Variants in TGFBR3 observed in about 807,000 individuals in gnomAD.
TGFBR3 encodes the protein transforming growth factor beta receptor 3.
TGFBR3 carries 46 observed loss-of-function variants against 87.9 expected under a neutral mutation model. The ratio of observed to expected loss-of-function variants is 0.52; its 90% CI spans 0.41 to 0.67. The LOEUF is 0.67. Ranked by LOEUF, TGFBR3 falls within the 30% of genes least tolerant of loss-of-function variation. The pLI is 0.00. For synonymous variants in TGFBR3, 381 were observed against 391.6 expected (o/e 0.97, Z 0.32); for missense variants, 866 against 1,041.9 (o/e 0.83, Z 2.32).
chr1:91,719,548 C>T (rs1672288688), intron 9 of TGFBR3, 84 bp from the exon 10 acceptor site: 2 of 1,560,060 alleles, frequency 1.3e-6, no homozygotes, highest in Non-Finnish European at 1.8e-6. Context: ...ATTGCCTGGT[C>T]TTCCAAGGAC....
chr1:91,802,832 TAC>T lies in TGFBR3; in HGVS notation c.62-5363_62-5362del, dbSNP rs375959017. Among the ~76,000 whole-genome samples the T allele has an allele frequency of 1.4e-4, 22 of 152,134 alleles. No individual in the cohort carries two copies. The East Asian group carries it at 4.3e-3, about 29-fold the overall frequency. On this transcript the variant is annotated intron_variant, in intron 2 of 16. Coordinates refer to ENST00000212355, the MANE Select transcript of TGFBR3 (RefSeq NM_003243.5). ...TAAATGGCACCAGCCTCTTCCTACG[TAC>T]ACCTGGCACCAACCTGGGGGAGGTG...
intron 3 of TGFBR3, among the ~76,000 whole-genome samples, chr1:91,760,491 T>C (rs1254357259): frequency 6.6e-6 from 1 of 152,056 alleles, no homozygotes; most frequent in Non-Finnish European, 1.5e-5. Context: ...GGCCGGGAAG[T>C]AAACACACAC....
intron 16 of TGFBR3, among the ~76,000 whole-genome samples, chr1:91,693,807 C>G (rs1051914065): frequency 1.3e-5 from 2 of 152,180 alleles, no homozygotes; most frequent in Non-Finnish European, 2.9e-5. Flanking sequence ...CTCAGCCAGG[C>G]AGGAGGTTGG....
intron 1 of TGFBR3, among the ~76,000 whole-genome samples, chr1:91,862,846 A>C (rs1447278745): frequency 6.6e-6 from 1 of 152,140 alleles, no homozygotes; most frequent in Non-Finnish European, 1.5e-5. Flanking sequence ...CATCTCACAC[A>C]CCTGGGGGTT....
chr1:91,712,106 T>A (rs11165300), intron 13 of TGFBR3, 137 bp downstream of exon 13: 8 of 785,376 alleles, frequency 1.0e-5, no homozygotes, highest in Admixed American at 4.3e-5. Context: ...CACAGTTCCC[T>A]GCTAATAGTG....
In TGFBR3 at chr1:91,778,654, T is replaced by C. The variant is rs572078905; in HGVS notation, c.246+18633A>G. 2.8e-3 allele frequency among the ~76,000 whole-genome samples: 423 copies of C among 152,312 alleles called. 2 individuals are homozygous for C. The highest frequency in any genetic ancestry group is 3.4e-3 in the Non-Finnish European group (232 of 68,038). ...TGCTAAACTGCTACATCAACATACTTATTTATTCATGCAAATGTTTATTTC... is the reference window on the plus strand; with the variant it reads ...TGCTAAACTGCTACATCAACATACTCATTTATTCATGCAAATGTTTATTTC... On this transcript the variant is annotated intron_variant, in intron 3 of 16. Transcript: ENST00000212355.
chr1:91,813,919 C>T (rs751721540), intron 2 of TGFBR3, among the ~76,000 whole-genome samples: 1 of 152,194 alleles, frequency 6.6e-6, no homozygotes, highest in Admixed American at 6.5e-5. Flanking sequence ...CCTTCATATG[C>T]GCAGTTCACA....
rs184867135 is a variant in TGFBR3, at chr1:91,875,340, T to C, written c.-114+10538A>G. Among the ~76,000 whole-genome samples, 14 of 152,202 alleles carry C rather than the reference T, an allele frequency of 9.2e-5. No individual in the cohort carries two copies. In the East Asian group the frequency reaches 2.7e-3, roughly 29 times the overall value. ...ACAGAAGGTGACACTGTGGAGGCTG[T>C]GGACCACAGAGAAGTAATATGGTGG... On this transcript the variant is annotated intron_variant, in intron 1 of 16. Coordinates refer to ENST00000212355, the MANE Select transcript of TGFBR3 (RefSeq NM_003243.5).
chr1:91,789,842 T>G (rs1675123196), intron 3 of TGFBR3, among the ~76,000 whole-genome samples: 2 of 152,196 alleles, frequency 1.3e-5, no homozygotes, highest in Admixed American at 1.3e-4. Context: ...CCTGCTCCCC[T>G]TTCCAGGCCT....
chr1:91,892,784 C>T (rs1480198975), intron 2 of TGFBR3, among the ~76,000 whole-genome samples: 1 of 152,178 alleles, frequency 6.6e-6, no homozygotes, highest in East Asian at 1.9e-4. Context: ...TCAGAGTTTA[C>T]TTGAAAGTAA....
chr1:91,805,300 T>C (rs1044226572), intron 2 of TGFBR3, among the ~76,000 whole-genome samples: 7 of 152,196 alleles, frequency 4.6e-5, no homozygotes, highest in South Asian at 2.1e-4. Context: ...ATCTAACTTT[T>C]CCTTGGACTC....
intron 8 of TGFBR3, 94 bp from the exon 9 acceptor site, chr1:91,720,324 G>T: frequency 1.6e-6 from 2 of 1,228,656 alleles, no homozygotes; most frequent in South Asian, 1.3e-5. Flanking sequence ...AGCATAGAAT[G>T]GGCAGGTGTA....
At chr1:91,757,684 A>G (rs1277974690) in intron 4 of TGFBR3, among the ~76,000 whole-genome samples, 1 of 152,180 alleles carries the variant, frequency 6.6e-6, no homozygotes, top group Non-Finnish European at 1.5e-5. Flanking sequence ...TAATAATTGT[A>G]TTGACTATGG....
At chr1:91,896,619 A>T (rs1679557674) in intron 2 of TGFBR3, among the ~76,000 whole-genome samples, 1 of 152,206 alleles carries the variant, frequency 6.6e-6, no homozygotes, top group Non-Finnish European at 1.5e-5. Flanking sequence ...CCTAGGCTGG[A>T]GCAAATAAGC....
intron 14 of TGFBR3, among the ~76,000 whole-genome samples, chr1:91,707,777 C>T (rs958329251): frequency 1.3e-5 from 2 of 152,220 alleles, no homozygotes; most frequent in African/African-American, 4.8e-5. Flanking sequence ...ATGGTGACAA[C>T]TGTAATTGCC....
intron 2 of TGFBR3, among the ~76,000 whole-genome samples, chr1:91,810,540 C>A (rs1675992426): frequency 6.6e-6 from 1 of 152,332 alleles, no homozygotes; most frequent in South Asian, 2.1e-4. Context: ...GTTTCTTTTA[C>A]TTCCTCTCTC....
At chr1:91,856,426 C>G (rs1227245614) in intron 2 of TGFBR3, among the ~76,000 whole-genome samples, 4 of 152,012 alleles carry the variant, frequency 2.6e-5, no homozygotes, top group Admixed American at 2.6e-4. Flanking sequence ...CCCGACCCAC[C>G]CGGCCCCGAC....
intron 4 of TGFBR3, among the ~76,000 whole-genome samples, chr1:91,735,199 C>T (rs375888613): frequency 5.9e-5 from 9 of 152,338 alleles, no homozygotes; most frequent in African/African-American, 1.7e-4. Flanking sequence ...CTTGTGAGGA[C>T]GGACTGCATT....
intron 15 of TGFBR3, among the ~76,000 whole-genome samples, chr1:91,697,713 T>C (rs949965066): frequency 2.0e-5 from 3 of 152,344 alleles, no homozygotes; most frequent in Non-Finnish European, 4.4e-5. Flanking sequence ...AGATAAATAT[T>C]GTTGATAAGA....
Sources: allele counts gnomAD v4.1 joint callset (sites outside exome capture counted in the v4.1 genomes callset), GRCh38; gene constraint gnomAD v4.1.1; transcripts MANE v1.5; gene names NCBI Gene and HGNC (gene_info 2026-07-23, HGNC 2026-07-21).